LUZP2: variants seen among roughly 807,000 people sequenced by gnomAD.
LUZP2 encodes leucine zipper protein 2.
In LUZP2, 52 loss-of-function variants were observed where a neutral mutation model predicts 51.6. That is an observed-to-expected ratio of 1.01 (90% confidence interval 0.81 to 1.27). LUZP2 has a LOEUF of 1.27. LUZP2 is among the 50% of genes most tolerant of loss of function. The pLI is 0.00. For synonymous variants in LUZP2, 154 were observed against 137.3 expected, an observed-to-expected ratio of 1.12 and a Z score of -0.85; for missense variants, 436 against 395.4, an observed-to-expected ratio of 1.10 and a Z score of -0.87.
At chr11:24,771,757 G>C (rs532882254) in intron 5 of LUZP2, among the ~76,000 whole-genome samples, 1 of 152,062 alleles carries the variant, frequency 6.6e-6, no homozygotes, top group South Asian at 2.1e-4. Context: ...CATGGGGGCA[G>C]TTTTCCCCGT....
At chr11:24,749,831 A>C (rs2134006370) in intron 4 of LUZP2, among the ~76,000 whole-genome samples, 1 of 152,232 alleles carries the variant, frequency 6.6e-6, no homozygotes, top group African/African-American at 2.4e-5. Flanking sequence ...CATCAGCCAC[A>C]GACTGAAGGC....
intron 7 of LUZP2, among the ~76,000 whole-genome samples, chr11:24,965,617 A>G (rs1012536265): frequency 1.3e-5 from 2 of 151,860 alleles, no homozygotes; most frequent in African/African-American, 4.8e-5. Context: ...GTGTCTGTCT[A>G]GTCATTAAAA....
chr11:24,790,304 G>T (rs1350195678), intron 5 of LUZP2, among the ~76,000 whole-genome samples: 1 of 151,970 alleles, frequency 6.6e-6, no homozygotes, highest in South Asian at 2.1e-4. Flanking sequence ...TTCTGTTTAA[G>T]ATCAGTAACT....
rs142632880 is a variant in LUZP2 at position 24,762,712 on chromosome 11, C to A, written c.334-534C>A. On this transcript the variant is annotated intron_variant, in intron 4 of 11. Coordinates refer to ENST00000336930, the MANE Select transcript of LUZP2 (RefSeq NM_001009909.4). ...CAGGTAATGCTATTTTTAGGAAATA[C>A]GGTTCCAATAAGTGGCATAAGGTGA... Among the ~76,000 whole-genome samples the A allele has an allele frequency of 2.9e-3, 440 of 152,148 alleles. 4 individuals are homozygous for A. The highest frequency in any genetic ancestry group is 0.01 in the African/African-American group (423 of 41,540).
At chr11:24,615,459 G>C (rs552578316) in intron 1 of LUZP2, among the ~76,000 whole-genome samples, 11 of 152,104 alleles carry the variant, frequency 7.2e-5, no homozygotes, top group Non-Finnish European at 1.5e-4. Flanking sequence ...ATTCTCTGGA[G>C]ACTCATCCAA....
chr11:24,528,754 T>C (rs970593619), intron 1 of LUZP2, among the ~76,000 whole-genome samples: 1 of 151,232 alleles, frequency 6.6e-6, no homozygotes, highest in Non-Finnish European at 1.5e-5. Context: ...CATCACCTAC[T>C]TATTCAAGCC....
At chr11:24,821,332 A>G (rs1422861529) in intron 5 of LUZP2, among the ~76,000 whole-genome samples, 1 of 152,164 alleles carries the variant, frequency 6.6e-6, no homozygotes, top group Non-Finnish European at 1.5e-5. Context: ...TTGTAGAATG[A>G]ATGGATGCGT....
intron 1 of LUZP2, among the ~76,000 whole-genome samples, chr11:24,625,721 A>G (rs1201186065): frequency 6.6e-6 from 1 of 152,054 alleles, no homozygotes; most frequent in Non-Finnish European, 1.5e-5. Flanking sequence ...AAAAAAAATC[A>G]AAGTTTTCCA....
chr11:24,647,380 C>T (rs1247015282), intron 1 of LUZP2, among the ~76,000 whole-genome samples: 3 of 151,336 alleles, frequency 2.0e-5, no homozygotes, highest in Non-Finnish European at 3.0e-5. Context: ...TAAATAACAA[C>T]AAAAACAAAA....
At position 24,963,042 on chromosome 11, in the gene LUZP2, G is replaced by A. The variant is rs1406504504; in HGVS notation, c.523-13549G>A. Among the ~76,000 whole-genome samples, 6 of 152,312 alleles carry A rather than the reference G, an allele frequency of 3.9e-5. No individual in the cohort carries two copies. The East Asian group carries it at 5.8e-4, about 15-fold the overall frequency. On this transcript the variant is annotated intron_variant, in intron 7 of 11. Coordinates refer to ENST00000336930, the MANE Select transcript of LUZP2 (RefSeq NM_001009909.4). The stretch of plus-strand genomic sequence containing the variant: ...TAGAGGTCCACTCCAGACCCTGTTT[G>A]CCTGGGTATCAGCAGCGGTGTTTGC...
intron 1 of LUZP2, among the ~76,000 whole-genome samples, chr11:24,561,811 T>TA (rs1213472900): frequency 1.2e-5 from 1 of 80,560 alleles, no homozygotes; most frequent in Non-Finnish European, 2.6e-5. Context: ...CCCCAGAACT[T>TA]AAAGTATAAT....
chr11:24,789,370 C>T (rs1849341335), intron 5 of LUZP2, among the ~76,000 whole-genome samples: 1 of 152,092 alleles, frequency 6.6e-6, no homozygotes, highest in Non-Finnish European at 1.5e-5. Context: ...GAATTCATGC[C>T]TATTCCCTTC....
At chr11:24,549,582 G>A (rs1428457755) in intron 1 of LUZP2, among the ~76,000 whole-genome samples, 1 of 151,988 alleles carries the variant, frequency 6.6e-6, no homozygotes, top group Non-Finnish European at 1.5e-5. Context: ...TATACAAGCG[G>A]AAGCAAGTAG....
At chr11:25,041,691 G>C (rs10742066) in intron 9 of LUZP2, among the ~76,000 whole-genome samples, 146,136 of 152,212 alleles carry the variant, frequency 0.96, 70,408 homozygotes, top group East Asian at 1. Context: ...CTTGTGGGTC[G>C]AGGATCAAAG....
At chr11:24,911,171 G>T (rs1425107408) in intron 6 of LUZP2, among the ~76,000 whole-genome samples, 1 of 152,190 alleles carries the variant, frequency 6.6e-6, no homozygotes, top group Non-Finnish European at 1.5e-5. Flanking sequence ...TATCTGGGAA[G>T]TAACTAACTT....
chr11:24,719,698 C>A (rs1318463366), intron 1 of LUZP2, among the ~76,000 whole-genome samples: 1 of 152,200 alleles, frequency 6.6e-6, no homozygotes, highest in Non-Finnish European at 1.5e-5. Context: ...ATTTACCTGA[C>A]TCTTGAATCT....
chr11:25,018,116 T>C (rs1337427610), intron 9 of LUZP2, among the ~76,000 whole-genome samples: 1 of 151,558 alleles, frequency 6.6e-6, no homozygotes, highest in Non-Finnish European at 1.5e-5. Flanking sequence ...TTCAGCTTGG[T>C]GGTTGTTGGT....
chr11:24,737,332 T>G (rs1858980180), intron 3 of LUZP2, among the ~76,000 whole-genome samples: 1 of 152,038 alleles, frequency 6.6e-6, no homozygotes, highest in South Asian at 2.1e-4. Context: ...GGCACTAGAT[T>G]GGAAGTTTTA....
At chr11:24,953,462 A>C (rs1346702063) in intron 7 of LUZP2, among the ~76,000 whole-genome samples, 1 of 151,978 alleles carries the variant, frequency 6.6e-6, no homozygotes, top group African/African-American at 2.4e-5. Flanking sequence ...TAAAGTTAAT[A>C]AACCACCAAT....
Sources: gnomAD v4.1 joint callset for allele counts (sites outside exome capture counted in the v4.1 genomes callset) on GRCh38, gnomAD v4.1.1 for gene constraint, MANE v1.5 for transcripts, NCBI Gene and HGNC (gene_info 2026-07-23, HGNC 2026-07-21) for gene names.